The following CNBD1 variants were observed in gnomAD, a reference collection of about 807,000 sequenced individuals.
CNBD1 encodes cyclic nucleotide-binding domain-containing protein 1.
A neutral mutation model predicts 54.4 loss-of-function variants in CNBD1; 71 were observed. That is an observed-to-expected ratio of 1.30 (90% CI 1.08 to 1.59). The LOEUF (loss-of-function observed/expected upper bound fraction) is 1.59. CNBD1 is among the 40% of genes most tolerant of loss of function. The probability of loss-of-function intolerance (pLI) is 0.00; values close to 1 mark genes in which losing one functional copy is unlikely to be tolerated. For missense variants in CNBD1, 659 were observed against 518.0 expected (o/e 1.27, Z -2.64); for synonymous variants, 182 against 170.7 (o/e 1.07, Z -0.51).
At chr8:87,017,950 T>A (rs1809401841) in intron 4 of CNBD1, among the ~76,000 whole-genome samples, 1 of 152,102 alleles carries the variant, frequency 6.6e-6, no homozygotes, top group Admixed American at 6.6e-5. Context: ...AAACCAACTT[T>A]AAAAAAATTC....
chr8:87,398,133 G>T (rs1811442296), intron 2 of CNBD1, among the ~76,000 whole-genome samples: 1 of 151,134 alleles, frequency 6.6e-6, no homozygotes, highest in Non-Finnish European at 1.5e-5. Context: ...ATATGGCCTG[G>T]ATTATACCTG....
At chr8:87,371,758 G>A (rs1810808381) in intron 10 of CNBD1, among the ~76,000 whole-genome samples, 1 of 152,074 alleles carries the variant, frequency 6.6e-6, no homozygotes, top group South Asian at 2.1e-4. Context: ...CTCAATAGAT[G>A]CAGAAAAGGC....
chr8:86,876,586 A>T (rs1808524316), intron 1 of CNBD1, among the ~76,000 whole-genome samples: 1 of 148,778 alleles, frequency 6.7e-6, no homozygotes. Flanking sequence ...TCTCCTTTCC[A>T]TTTTTCTTAT....
In CNBD1 at chr8:87,092,515, G is replaced by GTATATA. The variant is rs1251527617; in HGVS notation, c.432-113475_432-113474insATATAT. ...TGTGTGTATATATATGTGTGTGTGT[G>GTATATA]TATGTGTGTGTATGTATGTATGTGT... On this transcript the variant is annotated intron_variant, in intron 4 of 10. Coordinates refer to ENST00000518476, the MANE Select transcript of CNBD1 (RefSeq NM_173538.3). Among the ~76,000 whole-genome samples, 13 of 143,484 alleles carry GTATATA rather than the reference G, an allele frequency of 9.1e-5. 1 individual carries two copies. The highest frequency in any genetic ancestry group is 3.5e-4 in the African/African-American group (13 of 37,264). The allele number at this position is 143,484 out of a possible 152,430, so 94.1% of individuals were successfully genotyped here.
chr8:86,902,946 A>G (rs1481173634), intron 2 of CNBD1, among the ~76,000 whole-genome samples: 2 of 152,122 alleles, frequency 1.3e-5, no homozygotes, highest in African/African-American at 4.8e-5. Context: ...ATACTTTTCT[A>G]CTGAACACAC....
chr8:87,371,315 G>A (rs1177367043), intron 10 of CNBD1, among the ~76,000 whole-genome samples: 1 of 151,878 alleles, frequency 6.6e-6, no homozygotes, highest in Non-Finnish European at 1.5e-5. Flanking sequence ...AAATTACCTT[G>A]GGCAGTATGG....
At chr8:87,088,708 A>G (rs1387234843) in intron 4 of CNBD1, among the ~76,000 whole-genome samples, 2 of 152,218 alleles carry the variant, frequency 1.3e-5, no homozygotes, top group East Asian at 3.9e-4. Flanking sequence ...ACTTCTCTTT[A>G]TAATAAAGGT....
At chr8:86,942,123 A>G (rs1482045473) in intron 4 of CNBD1, among the ~76,000 whole-genome samples, 1 of 152,224 alleles carries the variant, frequency 6.6e-6, no homozygotes, top group East Asian at 1.9e-4. Context: ...CTCTATAAAA[A>G]ATTTGTGATT....
intron 4 of CNBD1, among the ~76,000 whole-genome samples, chr8:87,130,056 A>C (rs7002993): frequency 0.38 from 58,451 of 151,958 alleles, 12,567 homozygotes; most frequent in Non-Finnish European, 0.47. Flanking sequence ...GCTATTCACT[A>C]TCATGAGAGC....
chr8:87,199,521 TA>T (rs1166435044), intron 4 of CNBD1, among the ~76,000 whole-genome samples: 2 of 152,208 alleles, frequency 1.3e-5, no homozygotes, highest in Non-Finnish European at 2.9e-5. Flanking sequence ...TCTTTATTAT[TA>T]TTTTTTTGTG....
At chr8:87,230,382 T>C (rs931939042) in intron 5 of CNBD1, among the ~76,000 whole-genome samples, 9 of 152,302 alleles carry the variant, frequency 5.9e-5, no homozygotes, top group African/African-American at 2.2e-4. Flanking sequence ...TCTATAAAAC[T>C]AACATACATT....
chr8:87,405,276 T>A (rs1051001551), intron 2 of CNBD1, among the ~76,000 whole-genome samples: 3 of 152,100 alleles, frequency 2.0e-5, no homozygotes, highest in Middle Eastern at 3.2e-3. Context: ...ATTTATATAC[T>A]TTTTATCAAT....
intron 4 of CNBD1, among the ~76,000 whole-genome samples, chr8:87,059,232 T>G (rs922332021): frequency 3.9e-5 from 6 of 152,196 alleles, no homozygotes; most frequent in Non-Finnish European, 7.3e-5. Context: ...CATTCCAAAC[T>G]TCCCCACAGC....
chr8:87,096,569 A>G (rs893369801), intron 4 of CNBD1, among the ~76,000 whole-genome samples: 7 of 152,112 alleles, frequency 4.6e-5, no homozygotes, highest in African/African-American at 1.2e-4. Flanking sequence ...GCATGATTAC[A>G]TATGAAGCAA....
At chr8:87,352,033 C>T (rs540421631) in intron 9 of CNBD1, among the ~76,000 whole-genome samples, 111 of 152,198 alleles carry the variant, frequency 7.3e-4, no homozygotes, top group Non-Finnish European at 1.3e-3. Flanking sequence ...ATATGCTTCA[C>T]GTTCTTATTC....
rs181833407 is a variant in CNBD1 at position 87,236,713 on chromosome 8, G to T, written c.578-206G>T. Among the ~76,000 whole-genome samples, 276 of 152,114 alleles carry T rather than the reference G, an allele frequency of 1.8e-3. 1 individual carries two copies. Among genetic ancestry groups the T allele is most frequent in the South Asian group, 5.0e-3 (24 of 4,832 alleles). ...GCTACTATATGTAATTGTCTGAAAA[G>T]AATACTCCAAATGTATAAACATGCC... On this transcript the variant is annotated intron_variant, in intron 5 of 10. Transcript: ENST00000518476.
chr8:87,415,905 C>A (rs755237649), intron 2 of CNBD1, among the ~76,000 whole-genome samples: 1 of 151,910 alleles, frequency 6.6e-6, no homozygotes, highest in South Asian at 2.1e-4. Flanking sequence ...CAAATTTCAA[C>A]TATATACTGC....
intron 5 of CNBD1, among the ~76,000 whole-genome samples, chr8:87,215,062 T>C (rs1359620515): frequency 1.3e-5 from 2 of 152,148 alleles, no homozygotes; most frequent in Admixed American, 1.3e-4. Context: ...CAGTAGCCAT[T>C]ATGTGGAAAA....
Position 87,166,213 on chromosome 8 carries a change from C to T in CNBD1, c.432-39780C>T, listed in dbSNP as rs573321157. 1.3e-4 allele frequency among the ~76,000 whole-genome samples: 20 copies of T among 152,008 alleles called. No homozygotes were observed. In the East Asian group the frequency reaches 3.7e-3, roughly 28 times the overall value. ...CAGATGAGTAAGTGACAAACCTAAG[C>T]ATCATACTTGATGCTCATACATTCT... On this transcript the variant is annotated intron_variant, in intron 4 of 10. Transcript: ENST00000518476. The surrounding 1 kb of genome is among the most constrained non-coding windows in gnomAD (Gnocchi z 4.3).
Sources: gnomAD v4.1 joint callset for allele counts (sites outside exome capture counted in the v4.1 genomes callset) on GRCh38, gnomAD v4.1.1 for gene constraint, Gnocchi (gnomAD v3.1) non-coding constraint, MANE v1.5 for transcripts, NCBI Gene and HGNC (gene_info 2026-07-23, HGNC 2026-07-21) for gene names.